TEX11: variants seen among roughly 807,000 people sequenced by gnomAD.
TEX11 encodes testis expressed 11, also known as testis-expressed protein 11.
In TEX11, 7 loss-of-function variants were observed where a neutral mutation model predicts 84.4. The observed-to-expected ratio is 0.08, with a 90% CI of 0.05 to 0.16. TEX11 has a LOEUF of 0.16. TEX11 is among the 10% of genes least tolerant of loss of function. The pLI, the probability that TEX11 is intolerant of heterozygous loss-of-function variation, is 1.00. For synonymous variants in TEX11, 264 were observed against 222.8 expected, an observed-to-expected ratio of 1.18 and a Z score of -1.64; for missense variants, 551 against 660.5, an observed-to-expected ratio of 0.83 and a Z score of 1.82.
At chrX:70,763,768 C>T (rs1443892233) in intron 9 of TEX11, among the ~76,000 whole-genome samples, 2 of 110,784 alleles carry the variant, frequency 1.8e-5, no homozygotes, top group East Asian at 5.7e-4. Flanking sequence ...ATAAAGGGAA[C>T]AATTCCACAA....
chrX:70,687,994 G>A (rs1401849468), intron 13 of TEX11, among the ~76,000 whole-genome samples: 3 of 111,220 alleles, frequency 2.7e-5, no homozygotes, highest in Non-Finnish European at 3.8e-5. Flanking sequence ...GAGCCTCAGC[G>A]ACGTGTAAGA....
chrX:70,890,188 T>C (rs1648242621), intron 2 of TEX11, among the ~76,000 whole-genome samples: 1 of 111,910 alleles, frequency 8.9e-6, no homozygotes, highest in Non-Finnish European at 1.9e-5. Context: ...ACAAAGGTCA[T>C]TATATACTGA....
At chrX:70,654,811 C>G (rs1341723037) in intron 16 of TEX11, among the ~76,000 whole-genome samples, 2 of 104,364 alleles carry the variant, frequency 1.9e-5, no homozygotes, top group African/African-American at 7.0e-5. Flanking sequence ...TGTATAAACA[C>G]GAAATGCCCT....
intron 17 of TEX11, among the ~76,000 whole-genome samples, chrX:70,643,850 C>T (rs997793195): frequency 4.5e-5 from 5 of 110,276 alleles, no homozygotes; most frequent in South Asian, 3.9e-4. Flanking sequence ...CCATTCAGGA[C>T]GTAGGCATGG....
intron 11 of TEX11, among the ~76,000 whole-genome samples, chrX:70,738,003 G>A (rs1268104639): frequency 9.0e-6 from 1 of 111,566 alleles, no homozygotes; most frequent in South Asian, 3.7e-4. Context: ...AACCCTAGAA[G>A]AAAACTTAGG....
chrX:70,688,281 G>C (rs912972388), intron 13 of TEX11, among the ~76,000 whole-genome samples: 1 of 111,209 alleles, frequency 9.0e-6, no homozygotes, highest in African/African-American at 3.3e-5. Context: ...TTCACTGCTA[G>C]GAATTTACCC....
intron 13 of TEX11, among the ~76,000 whole-genome samples, chrX:70,692,667 G>A (rs1367084784): frequency 9.2e-6 from 1 of 108,544 alleles, no homozygotes; most frequent in Non-Finnish European, 1.9e-5. Context: ...TTGCGTGTGT[G>A]TATATATATA....
intron 9 of TEX11, among the ~76,000 whole-genome samples, chrX:70,756,804 G>GT (rs768927382): frequency 7.1e-5 from 8 of 112,025 alleles, no homozygotes; most frequent in Non-Finnish European, 1.5e-4. Flanking sequence ...CAGAAGGTTG[G>GT]TAATAACAAA....
chrX:70,719,139 G>A (rs765065710), intron 13 of TEX11, among the ~76,000 whole-genome samples: 6 of 111,895 alleles, frequency 5.4e-5, no homozygotes, highest in Non-Finnish European at 1.1e-4. Context: ...AATCTCGGTT[G>A]AGGCCACAGA....
intron 17 of TEX11, among the ~76,000 whole-genome samples, chrX:70,643,800 C>T (rs1250361551): frequency 4.6e-4 from 50 of 108,913 alleles, no homozygotes; most frequent in African/African-American, 1.5e-3. Flanking sequence ...AAACATTCGA[C>T]CTAAAACCAT....
At chrX:70,552,014 G>A in intron 28 of TEX11, 112 bp downstream of exon 28, 1 of 864,323 alleles carries the variant, frequency 1.2e-6, no homozygotes, top group Non-Finnish European at 1.5e-6. Flanking sequence ...ATTGTAATAT[G>A]AATTTATCCT....
At chrX:70,686,988 G>C (rs1209002878) in intron 13 of TEX11, among the ~76,000 whole-genome samples, 1 of 111,823 alleles carries the variant, frequency 8.9e-6, no homozygotes, top group African/African-American at 3.2e-5. Context: ...CAAGGGTTAT[G>C]ATTAGATCGG....
chrX:70,813,598 G>A (rs1238793212), intron 8 of TEX11, among the ~76,000 whole-genome samples: 1 of 111,132 alleles, frequency 9.0e-6, no homozygotes, highest in Non-Finnish European at 1.9e-5. Flanking sequence ...GTTCTGGCCA[G>A]GGCAATCAGG....
At chrX:70,560,893 G>GTTTTTTTTTTTTTT (rs745618647) in intron 25 of TEX11, among the ~76,000 whole-genome samples, 1 of 33,576 alleles carries the variant, frequency 3.0e-5, no homozygotes, top group African/African-American at 1.4e-4. Flanking sequence ...CACCACACCG[G>GTTTTTTTTTTTTTT]TTTTTTTTTT....
chrX:70,780,828 C>T (rs1023049040), intron 9 of TEX11, among the ~76,000 whole-genome samples: 1 of 112,404 alleles, frequency 8.9e-6, no homozygotes, highest in African/African-American at 3.2e-5. Flanking sequence ...CGGAGCCCAC[C>T]GCAGCTCAGC....
intron 7 of TEX11, among the ~76,000 whole-genome samples, chrX:70,843,647 G>A (rs1438912496): frequency 9.0e-6 from 1 of 111,218 alleles, no homozygotes; most frequent in Non-Finnish European, 1.9e-5. Context: ...ACAGCAAAAG[G>A]AACTACCATC....
At position 70,804,971 on chromosome X, in the gene TEX11, CTT is replaced by C. The variant is rs748863855; in HGVS notation, c.692+1732_692+1733del. Among the ~76,000 whole-genome samples, 233 of 68,203 alleles carry C rather than the reference CTT, an allele frequency of 3.4e-3. 1 individual carries two copies. The highest frequency in any genetic ancestry group is 0.013 in the African/African-American group (184 of 14,619). The allele number at this position is 68,203 out of a possible 115,157, so 59.2% of individuals were successfully genotyped here. A position where few individuals can be genotyped will look rare whatever the true frequency, so the allele number is the denominator to read the frequency against. ...AGAAGCCATCCATGGCACCAGCATCCTTTTTTTTTTTTTTTTTTTTTTTGGAT... is the reference window on the plus strand; with the variant it reads ...AGAAGCCATCCATGGCACCAGCATCCTTTTTTTTTTTTTTTTTTTTTGGAT... On this transcript the variant is annotated intron_variant, in intron 9 of 29. Transcript: ENST00000374333.
chrX:70,582,068 A>T (rs1438944877), intron 25 of TEX11, among the ~76,000 whole-genome samples: 1 of 111,926 alleles, frequency 8.9e-6, no homozygotes, highest in East Asian at 2.8e-4. Flanking sequence ...ATATTTATTG[A>T]TTGAATTGAT....
At chrX:70,567,739 T>C (rs1192101668) in intron 25 of TEX11, among the ~76,000 whole-genome samples, 2 of 111,812 alleles carry the variant, frequency 1.8e-5, no homozygotes, top group Non-Finnish European at 3.8e-5. Context: ...TAATCCTGAG[T>C]TCTAGTTTGA....
Sources: gnomAD v4.1 joint callset for allele counts (sites outside exome capture counted in the v4.1 genomes callset) on GRCh38, gnomAD v4.1.1 for gene constraint, MANE v1.5 for transcripts, NCBI Gene and HGNC (gene_info 2026-07-23, HGNC 2026-07-21) for gene names.